CSMD1: variants seen among roughly 807,000 people sequenced by gnomAD.
CSMD1 encodes the protein CUB and Sushi multiple domains 1, also known as CUB and sushi domain-containing protein 1.
CSMD1 carries 213 observed loss-of-function variants against 417.5 expected under a neutral mutation model. The ratio of observed to expected loss-of-function variants is 0.51; its 90% CI spans 0.46 to 0.57. The LOEUF is 0.57. Ranked by LOEUF, CSMD1 falls within the 20% of genes least tolerant of loss-of-function variation. The pLI is 0.00. For missense variants in CSMD1, 6,923 were observed against 4,529.7 expected (o/e 1.53, Z -15.17); for synonymous variants, 2,862 against 1,736.8 (o/e 1.65, Z -16.11).
At chr8:4,145,354 G>T (rs532963971) in intron 3 of CSMD1, among the ~76,000 whole-genome samples, 39 of 150,978 alleles carry the variant, frequency 2.6e-4, no homozygotes, top group Admixed American at 8.5e-4. Context: ...ATGTCAGAAA[G>T]ATCTGGAAAA....
intron 5 of CSMD1, among the ~76,000 whole-genome samples, chr8:3,981,806 A>C (rs1033348798): frequency 3.9e-5 from 6 of 152,324 alleles, no homozygotes; most frequent in South Asian, 4.1e-4. Context: ...GGCAGTTAGC[A>C]GAGCCTCACT....
At chr8:4,189,848 T>G (rs893192754) in intron 3 of CSMD1, among the ~76,000 whole-genome samples, 1 of 152,200 alleles carries the variant, frequency 6.6e-6, no homozygotes, top group Non-Finnish European at 1.5e-5. Flanking sequence ...TTTTAACATA[T>G]TAATATTTTT....
chr8:4,636,403 A>G (rs1233718062), intron 2 of CSMD1, among the ~76,000 whole-genome samples: 9 of 152,192 alleles, frequency 5.9e-5, no homozygotes, highest in African/African-American at 2.2e-4. Flanking sequence ...TTACGAATAG[A>G]TTGTACCATT....
chr8:3,304,971 A>G (rs958325474), intron 25 of CSMD1, among the ~76,000 whole-genome samples: 9 of 152,224 alleles, frequency 5.9e-5, no homozygotes, highest in African/African-American at 2.2e-4. Context: ...TCAAAATCAA[A>G]GCCATTGGAA....
intron 5 of CSMD1, among the ~76,000 whole-genome samples, chr8:3,755,195 G>A (rs915677353): frequency 6.7e-6 from 1 of 149,714 alleles, no homozygotes; most frequent in African/African-American, 2.4e-5. Context: ...AAGCATCACT[G>A]GATTAGGATG....
At chr8:4,741,991 C>G (rs1457097306) in intron 1 of CSMD1, among the ~76,000 whole-genome samples, 10 of 136,432 alleles carry the variant, frequency 7.3e-5, no homozygotes, top group Non-Finnish European at 1.5e-4. Flanking sequence ...GCACGCACCA[C>G]CACACCCACT....
intron 54 of CSMD1, among the ~76,000 whole-genome samples, chr8:2,993,157 C>A (rs572237384): frequency 6.6e-6 from 1 of 152,246 alleles, no homozygotes; most frequent in South Asian, 2.1e-4. Flanking sequence ...AACTGCTTCC[C>A]TTTATATACA....
At chr8:4,703,510 G>C (rs1211984275) in intron 1 of CSMD1, among the ~76,000 whole-genome samples, 1 of 152,066 alleles carries the variant, frequency 6.6e-6, no homozygotes, top group African/African-American at 2.4e-5. Flanking sequence ...CTTCATGAAA[G>C]TTATAAAATT....
intron 3 of CSMD1, among the ~76,000 whole-genome samples, chr8:4,041,628 A>T (rs1797899729): frequency 6.6e-6 from 1 of 152,180 alleles, no homozygotes; most frequent in African/African-American, 2.4e-5. Flanking sequence ...AAGTAAGAAG[A>T]TATCCATAAG....
chr8:3,724,013 A>C (rs1802341449), intron 6 of CSMD1, among the ~76,000 whole-genome samples: 1 of 51,816 alleles, frequency 1.9e-5, no homozygotes, highest in South Asian at 5.7e-4. Flanking sequence ...GGGATATTAA[A>C]ATACGCCTCT....
At chr8:4,129,323 C>G (rs1367456090) in intron 3 of CSMD1, among the ~76,000 whole-genome samples, 2 of 152,062 alleles carry the variant, frequency 1.3e-5, no homozygotes, top group South Asian at 4.2e-4. Flanking sequence ...TCATGTGGAG[C>G]CTGGGAATTC....
chr8:2,940,516 T>C (rs1801797695), intron 69 of CSMD1, among the ~76,000 whole-genome samples: 1 of 152,168 alleles, frequency 6.6e-6, no homozygotes, highest in Admixed American at 6.6e-5. Flanking sequence ...CTATCTCCCT[T>C]ATCTCTGGCT....
chr8:2,974,413 A>T, intron 56 of CSMD1, 38 bp downstream of exon 56: 1 of 1,464,652 alleles, frequency 6.8e-7, no homozygotes, highest in South Asian at 1.4e-5. Flanking sequence ...AGTTATTTGA[A>T]ATCTGTAATT....
intron 5 of CSMD1, among the ~76,000 whole-genome samples, chr8:3,951,292 G>A (rs1283935399): frequency 6.6e-6 from 1 of 152,184 alleles, no homozygotes; most frequent in East Asian, 1.9e-4. Flanking sequence ...GCCCACCTTT[G>A]TGTCTTCCAT....
intron 26 of CSMD1, among the ~76,000 whole-genome samples, chr8:3,255,664 A>G (rs529324261): frequency 5.9e-5 from 9 of 152,192 alleles, no homozygotes; most frequent in Non-Finnish European, 1.3e-4. Context: ...GGACCCTCTG[A>G]GCCATGCACG....
intron 3 of CSMD1, among the ~76,000 whole-genome samples, chr8:4,242,574 G>A (rs1349406535): frequency 1.3e-5 from 2 of 152,142 alleles, no homozygotes; most frequent in Non-Finnish European, 2.9e-5. Flanking sequence ...AAAAAACTCA[G>A]AAATGTTAAT....
chr8:3,165,298 G>C (rs2129041529), intron 37 of CSMD1, among the ~76,000 whole-genome samples: 1 of 152,228 alleles, frequency 6.6e-6, no homozygotes, highest in Non-Finnish European at 1.5e-5. Context: ...ATAAGCGATT[G>C]ATATGATCAG....
At chr8:3,191,068 A>G (rs1796392208) in intron 33 of CSMD1, among the ~76,000 whole-genome samples, 1 of 152,162 alleles carries the variant, frequency 6.6e-6, no homozygotes, top group Admixed American at 6.5e-5. Flanking sequence ...GTTTATAGTT[A>G]AGAGGGTAGA....
intron 3 of CSMD1, among the ~76,000 whole-genome samples, chr8:4,315,870 GT>G (rs1172315252): frequency 5.9e-5 from 9 of 152,110 alleles, no homozygotes; most frequent in African/African-American, 1.9e-4. Context: ...AGTCTTCTTA[GT>G]AAAATTTTAA....
Sources: gnomAD v4.1 joint callset for allele counts (sites outside exome capture counted in the v4.1 genomes callset) on GRCh38, gnomAD v4.1.1 for gene constraint, MANE v1.5 for transcripts, NCBI Gene and HGNC (gene_info 2026-07-23, HGNC 2026-07-21) for gene names.